The following HP1BP3 variants were observed in gnomAD, a reference collection of about 807,000 sequenced individuals.
HP1BP3 encodes heterochromatin protein 1 binding protein 3.
A neutral mutation model predicts 62.5 loss-of-function variants in HP1BP3; 12 were observed. The observed-to-expected ratio is 0.19, with a 90% CI of 0.12 to 0.31. The LOEUF (loss-of-function observed/expected upper bound fraction) is 0.31, where lower values mean the gene tolerates loss of function less well. Ranked by LOEUF, HP1BP3 falls within the 10% of genes least tolerant of loss-of-function variation. HP1BP3 has a pLI of 1.00. For missense variants in HP1BP3, 502 were observed against 651.8 expected, an observed-to-expected ratio of 0.77 and a Z score of 2.50; for synonymous variants, 260 against 237.8, an observed-to-expected ratio of 1.09 and a Z score of -0.86.
chr1:20,752,738 G>C (rs1001636147), intron 9 of HP1BP3, among the ~76,000 whole-genome samples: 14 of 152,150 alleles, frequency 9.2e-5, no homozygotes, highest in African/African-American at 3.4e-4. Context: ...AAAAGAGCAC[G>C]AATTCACTTA....
At chr1:20,749,627 G>A in intron 10 of HP1BP3, 96 bp downstream of exon 10, 3 of 1,215,504 alleles carry the variant, frequency 2.5e-6, no homozygotes, top group East Asian at 2.4e-5. Flanking sequence ...CCAAAGTGCT[G>A]GGATTACAGG....
intron 1 of HP1BP3, among the ~76,000 whole-genome samples, chr1:20,783,277 T>C (rs547039666): frequency 6.6e-6 from 1 of 152,212 alleles, no homozygotes; most frequent in South Asian, 2.1e-4. Context: ...TCCCAGCACT[T>C]TGGTAGGCTG....
At position 20,770,925 on chromosome 1, in the gene HP1BP3, A is replaced by C; in HGVS notation, c.654+5T>G. On this transcript the variant is annotated splice_donor_5th_base_variant and intron_variant, in intron 6 of 12. Coordinates refer to ENST00000438032, the MANE Select transcript of HP1BP3 (RefSeq NM_001372052.1). ...ATGATCTTACTACTAACAATTGTGT[A>C]ATACCTGTTTGATGACTCCTCTATT... is the stretch of plus-strand genomic sequence containing the variant. The C allele has an allele frequency of 6.3e-7, 1 of 1,592,586 alleles. No homozygotes were observed. The highest frequency in any genetic ancestry group is 8.5e-7 in the Non-Finnish European group (1 of 1,171,128).
rs555927056 is a variant in HP1BP3 at position 20,746,943 on chromosome 1, G to C, written c.1253+601C>G. ...AGGTGGGAGGATCACTTGAGCCCAG[G>C]AGGCGGAGATTGCAGTGAGCCGAGA... On this transcript the variant is annotated intron_variant, in intron 11 of 12. Coordinates refer to ENST00000438032, the MANE Select transcript of HP1BP3 (RefSeq NM_001372052.1). Among the ~76,000 whole-genome samples the C allele has an allele frequency of 8.5e-5, 13 of 152,290 alleles. No individual in the cohort carries two copies. In the East Asian group the frequency reaches 2.5e-3, roughly 29 times the overall value.
intron 2 of HP1BP3, 46 bp downstream of exon 2, chr1:20,780,299 C>A (rs1367045713): frequency 7.2e-7 from 1 of 1,382,522 alleles, no homozygotes; most frequent in South Asian, 1.2e-5. Flanking sequence ...GGCCTGAAGT[C>A]AGGGATTGAT....
chr1:20,741,901 T>C lies in HP1BP3; in HGVS notation c.*2896A>G, dbSNP rs1055611059. Among the ~76,000 whole-genome samples the C allele has an allele frequency of 6.6e-6, 1 of 152,242 alleles. No individual in the cohort carries two copies. The highest frequency in any genetic ancestry group is 1.5e-5 in the Non-Finnish European group (1 of 68,038). ...ATAAATGTGTTCTGCTCCTTTGGAA[T>C]GCCTGGAAGGGAAAAATCAAACATT... On this transcript the variant is annotated 3_prime_UTR_variant, in exon 13 of 13. Transcript: ENST00000438032.
At chr1:20,783,324 G>T (rs1022179516) in intron 1 of HP1BP3, among the ~76,000 whole-genome samples, 14 of 152,050 alleles carry the variant, frequency 9.2e-5, no homozygotes, top group Admixed American at 9.2e-4. Context: ...TCCGAGACCA[G>T]CCTGGCCAAC....
intron 9 of HP1BP3, among the ~76,000 whole-genome samples, chr1:20,753,513 T>C (rs928324986): frequency 6.6e-6 from 1 of 152,220 alleles, no homozygotes; most frequent in South Asian, 2.1e-4. Flanking sequence ...GTAATTTTTG[T>C]TGTCGTATAT....
At chr1:20,748,757 C>G (rs1204001798) in intron 10 of HP1BP3, among the ~76,000 whole-genome samples, 1 of 151,364 alleles carries the variant, frequency 6.6e-6, no homozygotes, top group Non-Finnish European at 1.5e-5. Context: ...CAGCGAGACT[C>G]CGTCTAAAAA....
intron 5 of HP1BP3, among the ~76,000 whole-genome samples, chr1:20,772,108 A>T (rs533884076): frequency 6.6e-6 from 1 of 152,344 alleles, no homozygotes; most frequent in East Asian, 1.9e-4. Flanking sequence ...AATCAAGCAG[A>T]AAAGAACACT....
Position 20,779,829 on chromosome 1 carries a change from C to T in HP1BP3, c.179G>A (p.Gly60Glu). 1 of 1,612,446 alleles carries T rather than the reference C, an allele frequency of 6.2e-7. No individual in the cohort carries two copies. Among genetic ancestry groups the T allele is most frequent in the Non-Finnish European group, 8.5e-7 (1 of 1,179,296 alleles). Reference protein sequence around the residue: ...ETPPKSKLAEGEEEKPEPDIS... With the variant: ...ETPPKSKLAEEEEEKPEPDIS... ...TACTTTACCTGGCTTTTCTTCCTCC[C>T]CTTCAGCAAGCTTGCTTTTGGGAGG... The change falls in exon 3 of 13, where the codon GGG becomes GAG. Residue 60 changes from glycine to glutamate, a missense_variant. Coordinates refer to ENST00000438032, the MANE Select transcript of HP1BP3 (RefSeq NM_001372052.1).
At chr1:20,745,463 T>C in intron 12 of HP1BP3, 80 bp downstream of exon 12, 1 of 1,504,044 alleles carries the variant, frequency 6.6e-7, no homozygotes, top group Non-Finnish European at 8.9e-7. Context: ...GCTTTTTAGC[T>C]TTAGCCCCTC....
At chr1:20,783,769 C>CAAAATA (rs2057685413) in intron 1 of HP1BP3, among the ~76,000 whole-genome samples, 1 of 53,134 alleles carries the variant, frequency 1.9e-5, no homozygotes, top group Non-Finnish European at 3.2e-5. Flanking sequence ...GACTCTGTCT[C>CAAAATA]AAAAAAAAAA....
intron 8 of HP1BP3, among the ~76,000 whole-genome samples, chr1:20,760,767 C>T (rs570688781): frequency 1.3e-5 from 2 of 151,828 alleles, no homozygotes; most frequent in South Asian, 2.1e-4. Flanking sequence ...ACCGAGGAGG[C>T]GGAGGTTGCA....
At chr1:20,776,079 G>A in intron 4 of HP1BP3, 2 of 1,294,150 alleles carry the variant, frequency 1.5e-6, no homozygotes, top group South Asian at 1.6e-5. Flanking sequence ...CACATCAATA[G>A]CAAATTTTAC....
chr1:20,744,699 T>C lies in HP1BP3; in HGVS notation c.*98A>G, dbSNP rs982578755. The stretch of plus-strand genomic sequence containing the variant: ...CCACAATGTTCATAGGGGAGGAAAA[T>C]AATGTAATTTGAAAAGCATCAAAAC... On this transcript the variant is annotated 3_prime_UTR_variant, in exon 13 of 13. Transcript: ENST00000438032. 15 of 1,154,742 alleles carry C rather than the reference T, an allele frequency of 1.3e-5. No homozygotes were observed. The highest frequency in any genetic ancestry group is 4.6e-5 in the African/African-American group (3 of 64,748). The allele number at this position is 1,154,742 out of a possible 1,614,324, so 71.5% of individuals were successfully genotyped here. A position where few individuals can be genotyped will look rare whatever the true frequency, so the allele number is the denominator to read the frequency against.
At chr1:20,762,305 A>G (rs532751771) in intron 8 of HP1BP3, among the ~76,000 whole-genome samples, 103 of 152,282 alleles carry the variant, frequency 6.8e-4, no homozygotes, top group African/African-American at 2.3e-3. Context: ...TATCAGGTAA[A>G]TTTTGTTTCA....
chr1:20,742,798 G>C lies in HP1BP3; in HGVS notation c.*1999C>G, dbSNP rs959428826. The C allele has an allele frequency of 7.2e-5, 11 of 152,594 alleles. 1 individual carries two copies. Among genetic ancestry groups the C allele is most frequent in the Admixed American group, 6.5e-4 (10 of 15,274 alleles). 9.5% of individuals were successfully genotyped at this position (152,594 alleles called of 1,614,324 possible). ...ACAAATTCCAATGAATTCATGATGG[G>C]ATCACACATGATTATGATCTAATTC... On this transcript the variant is annotated 3_prime_UTR_variant, in exon 13 of 13. Coordinates refer to ENST00000438032, the MANE Select transcript of HP1BP3 (RefSeq NM_001372052.1).
Position 20,787,268 on chromosome 1 carries a change from C to T in HP1BP3, c.-174G>A, listed in dbSNP as rs1473933634. 3 of 152,166 alleles carry T rather than the reference C, an allele frequency of 2.0e-5. No homozygotes were observed. In the Admixed American group the frequency reaches 2.0e-4, roughly 10 times the overall value. 9.4% of individuals were successfully genotyped at this position (152,166 alleles called of 1,614,324 possible). Reference sequence around the variant, plus strand: ...CGCCGCTCCCGCCGCCGCTAGTCGCCTCCGCCACCGCTGTCCTCCAGTCCC... The same window carrying T: ...CGCCGCTCCCGCCGCCGCTAGTCGCTTCCGCCACCGCTGTCCTCCAGTCCC... On this transcript the variant is annotated 5_prime_UTR_variant, in exon 1 of 13. Coordinates refer to ENST00000438032, the MANE Select transcript of HP1BP3 (RefSeq NM_001372052.1).
Sources: gnomAD v4.1 joint callset for allele counts (sites outside exome capture counted in the v4.1 genomes callset) on GRCh38, gnomAD v4.1.1 for gene constraint, MANE v1.5 for transcripts, NCBI Gene and HGNC (gene_info 2026-07-23, HGNC 2026-07-21) for gene names.